Variants in KIAA0319L observed in about 807,000 individuals in gnomAD.
KIAA0319L encodes dyslexia-associated protein KIAA0319-like protein.
KIAA0319L carries 55 observed loss-of-function variants against 120.1 expected under a neutral mutation model. The ratio of observed to expected loss-of-function variants is 0.46; its 90% CI spans 0.37 to 0.57. KIAA0319L has a LOEUF of 0.57. Ranked by LOEUF, KIAA0319L falls within the 20% of genes least tolerant of loss-of-function variation. The pLI is 0.00. For synonymous variants in KIAA0319L, 398 were observed against 471.9 expected (o/e 0.84, Z 2.03); for missense variants, 1,049 against 1,255.3 (o/e 0.84, Z 2.48).
At chr1:35,451,863 C>G in intron 12 of KIAA0319L, 87 bp from the exon 13 acceptor site, 1 of 1,353,472 alleles carries the variant, frequency 7.4e-7, no homozygotes, top group South Asian at 1.3e-5. Flanking sequence ...ATGACTCCCT[C>G]AGCAAAGACA....
chr1:35,441,194 G>T lies in KIAA0319L; in HGVS notation c.2871-56C>A, dbSNP rs1641189151. ...GAAAGAGGTTCTCTGGGAGGATGAG[G>T]ATGAGAGCCAGATGTGCATGCAGGG... On this transcript the variant is annotated intron_variant, in intron 19 of 20. Coordinates refer to ENST00000325722, the MANE Select transcript of KIAA0319L (RefSeq NM_024874.5). 2.5e-5 allele frequency: 38 copies of T among 1,513,398 alleles called. No homozygotes were observed. In the South Asian group the frequency reaches 3.5e-4, roughly 14 times the overall value. The allele number at this position is 1,513,398 out of a possible 1,614,324, so 93.7% of individuals were successfully genotyped here. A position where few individuals can be genotyped will look rare whatever the true frequency, so the allele number is the denominator to read the frequency against.
chr1:35,533,032 T>C (rs1646432440), intron 2 of KIAA0319L: 1 of 152,198 alleles, frequency 6.6e-6, no homozygotes, highest in Non-Finnish European at 1.5e-5. Context: ...CTAGACCAGG[T>C]TTCATAATTC....
At chr1:35,450,126 T>C (rs1641945161) in intron 14 of KIAA0319L, 121 bp from the exon 15 acceptor site, 5 of 1,249,780 alleles carry the variant, frequency 4.0e-6, no homozygotes. Flanking sequence ...CTTGGGCAGT[T>C]CCTGATACGG....
chr1:35,470,904 C>T lies in KIAA0319L; in HGVS notation c.1072G>A (p.Glu358Lys). 6.2e-7 allele frequency: 1 copy of T among 1,613,724 alleles called. No homozygotes were observed. Among genetic ancestry groups the T allele is most frequent in the Non-Finnish European group, 8.5e-7 (1 of 1,179,594 alleles). The change falls in exon 6 of 21, where the codon GAA becomes AAA. Residue 358 changes from glutamate (E) to lysine (K), a missense_variant. Transcript: ENST00000325722. ...LITHPRDYSGEMEGKHSQILK... is the reference protein window; with the variant it reads ...LITHPRDYSGKMEGKHSQILK... ...ATCTGGGAATGTTTCCCTTCCATTTCTCCACTGTAGTCTCTAGGATGAGTA... is the reference window on the plus strand; with the variant it reads ...ATCTGGGAATGTTTCCCTTCCATTTTTCCACTGTAGTCTCTAGGATGAGTA...
At chr1:35,487,200 T>A (rs1644422096) in intron 3 of KIAA0319L, among the ~76,000 whole-genome samples, 1 of 152,178 alleles carries the variant, frequency 6.6e-6, no homozygotes, top group South Asian at 2.1e-4. Context: ...TGGACTGAAC[T>A]GTAGACTTTG....
intron 10 of KIAA0319L, among the ~76,000 whole-genome samples, chr1:35,455,782 T>G (rs1642405374): frequency 2.0e-5 from 3 of 151,986 alleles, no homozygotes; most frequent in African/African-American, 7.2e-5. Flanking sequence ...GGTTTCACAA[T>G]GTTGGCCAGG....
intron 3 of KIAA0319L, among the ~76,000 whole-genome samples, chr1:35,498,367 C>T (rs778371347): frequency 1.5e-4 from 22 of 151,454 alleles, no homozygotes; most frequent in Non-Finnish European, 2.8e-4. Flanking sequence ...TGAAGTAATA[C>T]TAAAAATTTT....
In KIAA0319L at chr1:35,473,080, C is replaced by CTTTTTTTT. The variant is rs962861379; in HGVS notation, c.1015+1717_1015+1724dup. On this transcript the variant is annotated intron_variant, in intron 5 of 20. Coordinates refer to ENST00000325722, the MANE Select transcript of KIAA0319L (RefSeq NM_024874.5). ...ACAGGCATGAGCCACTGCGCCCAGC[C>CTTTTTTTT]TTTTTTTTTTTTTTTTTTTTTTTCT... Among the ~76,000 whole-genome samples, 52 of 90,482 alleles carry CTTTTTTTT rather than the reference C, an allele frequency of 5.7e-4. 5 individuals carry two copies. The highest frequency in any genetic ancestry group is 2.5e-3 in the African/African-American group (48 of 19,320). The allele number at this position is 90,482 out of a possible 152,430, so 59.4% of individuals were successfully genotyped here. A position where few individuals can be genotyped will look rare whatever the true frequency, so the allele number is the denominator to read the frequency against.
intron 3 of KIAA0319L, among the ~76,000 whole-genome samples, chr1:35,482,122 C>G (rs918381223): frequency 1.3e-5 from 2 of 152,078 alleles, no homozygotes; most frequent in African/African-American, 4.8e-5. Flanking sequence ...CCACGCCCGG[C>G]CTGCTTTCTG....
At chr1:35,509,453 C>A (rs1389454251) in intron 2 of KIAA0319L, among the ~76,000 whole-genome samples, 1 of 152,164 alleles carries the variant, frequency 6.6e-6, no homozygotes, top group Non-Finnish European at 1.5e-5. Context: ...TCTATAAAAT[C>A]AATGATTTAG....
chr1:35,459,546 G>A (rs564872303), intron 9 of KIAA0319L, among the ~76,000 whole-genome samples: 7 of 150,598 alleles, frequency 4.6e-5, no homozygotes, highest in Non-Finnish European at 5.9e-5. Flanking sequence ...GCAGTGAGCC[G>A]AAATCACGCC....
At chr1:35,449,809 G>A in intron 15 of KIAA0319L, 58 bp downstream of exon 15, 1 of 1,593,490 alleles carries the variant, frequency 6.3e-7, no homozygotes, top group Non-Finnish European at 8.6e-7. Context: ...TCTCAGGATA[G>A]AGGCCTTGAT....
intron 2 of KIAA0319L, among the ~76,000 whole-genome samples, chr1:35,549,671 T>C (rs1307735904): frequency 1.3e-5 from 2 of 152,172 alleles, no homozygotes; most frequent in African/African-American, 4.8e-5. Context: ...ACTCTTCAGA[T>C]GTATACATTC....
intron 4 of KIAA0319L, among the ~76,000 whole-genome samples, chr1:35,477,668 A>C (rs1265023724): frequency 1.0e-5 from 1 of 98,068 alleles, no homozygotes; most frequent in East Asian, 8.9e-4. Context: ...CTCTGTCTCA[A>C]AAAAAAAAAA....
chr1:35,478,103 AT>A (rs1173288823), intron 4 of KIAA0319L, among the ~76,000 whole-genome samples: 2 of 152,194 alleles, frequency 1.3e-5, no homozygotes, highest in Non-Finnish European at 2.9e-5. Flanking sequence ...TTCCAACAAC[AT>A]GGATGGAACT....
At chr1:35,495,623 GT>G (rs895806007) in intron 3 of KIAA0319L, among the ~76,000 whole-genome samples, 1 of 151,898 alleles carries the variant, frequency 6.6e-6, no homozygotes, top group Non-Finnish European at 1.5e-5. Context: ...AAATAACACA[GT>G]TTTTTTGTTT....
intron 2 of KIAA0319L, among the ~76,000 whole-genome samples, chr1:35,515,210 G>A (rs1168727173): frequency 6.6e-6 from 1 of 151,862 alleles, no homozygotes; most frequent in Non-Finnish European, 1.5e-5. Flanking sequence ...TACTTGGGAG[G>A]CTGAGATAGG....
intron 3 of KIAA0319L, among the ~76,000 whole-genome samples, chr1:35,498,276 T>C (rs1443178752): frequency 6.6e-6 from 1 of 151,152 alleles, no homozygotes; most frequent in Non-Finnish European, 1.5e-5. Context: ...GAGGTTGAAG[T>C]GAGCCGAGAT....
rs952287691 is a variant in KIAA0319L at position 35,456,128 on chromosome 1, G to A, written c.1541C>T (p.Thr514Ile). ...GAGGGTGATGGAGTTTTGGGGCAGG[G>A]TGATCACTTGGTTGGGGCCTGCGTT... ...VANAGPNQVI[T>I]LPQNSITLFG... The change falls in exon 10 of 21, where the codon ACC becomes ATC. Residue 514 changes from threonine to isoleucine, a missense_variant. Physicochemically the swap from Thr to Ile is moderately conservative, Grantham distance 89. Transcript: ENST00000325722. 7 of 1,613,914 alleles carry A rather than the reference G, an allele frequency of 4.3e-6. No individual in the cohort carries two copies. The highest frequency in any genetic ancestry group is 5.1e-6 in the Non-Finnish European group (6 of 1,179,992).
Sources: gnomAD v4.1 joint callset for allele counts (sites outside exome capture counted in the v4.1 genomes callset) on GRCh38, gnomAD v4.1.1 for gene constraint, MANE v1.5 for transcripts, NCBI Gene and HGNC (gene_info 2026-07-23, HGNC 2026-07-21) for gene names.